Variants in ACAD11 observed in about 807,000 individuals in gnomAD.
ACAD11 encodes the protein acyl-CoA dehydrogenase family member 11.
A neutral mutation model predicts 102.2 loss-of-function variants in ACAD11; 83 were observed. That is an observed-to-expected ratio of 0.81 (90% CI 0.68 to 0.97). The LOEUF (loss-of-function observed/expected upper bound fraction) is 0.97, where lower values mean the gene tolerates loss of function less well. ACAD11 is among the 50% of genes least tolerant of loss of function. ACAD11 has a pLI of 0.00. For synonymous variants in ACAD11, 324 were observed against 319.8 expected, an observed-to-expected ratio of 1.01 and a Z score of -0.14; for missense variants, 901 against 951.7, an observed-to-expected ratio of 0.95 and a Z score of 0.70.
chr3:132,568,426 C>T (rs1937273395), intron 17 of ACAD11, among the ~76,000 whole-genome samples: 1 of 152,046 alleles, frequency 6.6e-6, no homozygotes, highest in African/African-American at 2.4e-5. Context: ...AGAGATATAC[C>T]AGGTTCACAG....
At chr3:132,579,701 T>G in intron 13 of ACAD11, 143 bp from the exon 14 acceptor site, 1 of 636,614 alleles carries the variant, frequency 1.6e-6, no homozygotes, top group Non-Finnish European at 2.7e-6. Flanking sequence ...ATAATAATTC[T>G]TTTGTAACAC....
chr3:132,576,016 C>A, intron 16 of ACAD11, 90 bp from the exon 17 acceptor site: 1 of 1,462,646 alleles, frequency 6.8e-7, no homozygotes. Context: ...AAGAGATGAG[C>A]TGCCCTTAAT....
At chr3:132,628,287 C>G in intron 8 of ACAD11, 53 bp downstream of exon 8, 1 of 1,299,114 alleles carries the variant, frequency 7.7e-7, no homozygotes, top group Non-Finnish European at 1.1e-6. Context: ...ATAACCTTCA[C>G]ATACCCAATA....
intron 13 of ACAD11, among the ~76,000 whole-genome samples, 185 bp downstream of exon 13, chr3:132,603,044 C>A (rs780880604): frequency 1.3e-5 from 2 of 152,098 alleles, no homozygotes; most frequent in Non-Finnish European, 2.9e-5. Flanking sequence ...CTCAGGTGAT[C>A]CACCTGCCTC....
intron 13 of ACAD11, among the ~76,000 whole-genome samples, chr3:132,589,654 A>G (rs1057005692): frequency 1.6e-4 from 25 of 152,180 alleles, no homozygotes; most frequent in African/African-American, 6.0e-4. Context: ...TGAAAATCAG[A>G]TTAGGACATA....
chr3:132,619,062 C>A, intron 10 of ACAD11: 2 of 329,782 alleles, frequency 6.1e-6, no homozygotes, highest in Non-Finnish European at 1.1e-5. Flanking sequence ...ATTACAAAAT[C>A]TCCCACATTT....
At chr3:132,623,784 C>T (rs1180687044) in intron 9 of ACAD11, among the ~76,000 whole-genome samples, 5 of 152,274 alleles carry the variant, frequency 3.3e-5, no homozygotes, top group Non-Finnish European at 7.4e-5. Flanking sequence ...TTCTGTGCTG[C>T]AGTTTCTCTT....
At chr3:132,591,784 G>A (rs10804609) in intron 13 of ACAD11, among the ~76,000 whole-genome samples, 17,184 of 152,054 alleles carry the variant, frequency 0.11, 1,500 homozygotes, top group East Asian at 0.53. Flanking sequence ...CCAGCTACTC[G>A]GGATGTTGAG....
At chr3:132,579,775 T>C (rs1019804511) in intron 13 of ACAD11, among the ~76,000 whole-genome samples, 1 of 152,080 alleles carries the variant, frequency 6.6e-6, no homozygotes, top group African/African-American at 2.4e-5. Flanking sequence ...TGAAAGCTGC[T>C]ACACAAAAAT....
intron 8 of ACAD11, 114 bp from the exon 9 acceptor site, chr3:132,626,931 G>C: frequency 1.0e-6 from 1 of 964,602 alleles, no homozygotes; most frequent in Non-Finnish European, 1.5e-6. Context: ...TCCCCCAGAA[G>C]GAGTAGCTGT....
intron 5 of ACAD11, among the ~76,000 whole-genome samples, chr3:132,635,946 A>C (rs951222871): frequency 2.6e-5 from 4 of 152,124 alleles, no homozygotes; most frequent in African/African-American, 9.7e-5. Context: ...TTTCTCTTAC[A>C]TCATTCTATT....
intron 11 of ACAD11, among the ~76,000 whole-genome samples, chr3:132,609,717 T>C (rs894446721): frequency 6.6e-6 from 1 of 152,180 alleles, no homozygotes; most frequent in Non-Finnish European, 1.5e-5. Flanking sequence ...GAGGAGCTGG[T>C]ACCCTTCCTT....
chr3:132,597,962 C>A (rs1326009349), intron 13 of ACAD11, among the ~76,000 whole-genome samples: 2 of 151,864 alleles, frequency 1.3e-5, no homozygotes, highest in African/African-American at 4.8e-5. Flanking sequence ...AAGTTGGCAC[C>A]CGGTTTTTAC....
intron 9 of ACAD11, chr3:132,621,079 T>A (rs1203984755): frequency 6.6e-6 from 1 of 152,212 alleles, no homozygotes; most frequent in African/African-American, 2.4e-5. Context: ...ACAAGTCTAA[T>A]TGGAGTCCCA....
chr3:132,559,920 G>A lies in ACAD11; in HGVS notation c.2141C>T (p.Ala714Val), dbSNP rs199545368. ...AACGATTTTGCTGACAGCCCGTGGG[G>A]CAGCCACTTTGATCATTGCAATCTA... Reference protein sequence around the residue: ...KKEIAMIKVAAPRAVSKIVDW... With the variant: ...KKEIAMIKVAVPRAVSKIVDW... Residue 714 changes from alanine (A) to valine (V), a missense_variant, in exon 19 of 20, where the codon GCC becomes GTC. Physicochemically the swap from Ala to Val is moderately conservative, Grantham distance 64. Coordinates refer to ENST00000264990, the MANE Select transcript of ACAD11 (RefSeq NM_032169.5). 5 of 1,612,440 alleles carry A rather than the reference G, an allele frequency of 3.1e-6. No homozygotes were observed. The highest frequency in any genetic ancestry group is 2.5e-6 in the Non-Finnish European group (3 of 1,179,328).
intron 9 of ACAD11, among the ~76,000 whole-genome samples, chr3:132,623,243 C>T (rs1939673054): frequency 6.6e-6 from 1 of 151,996 alleles, no homozygotes; most frequent in Non-Finnish European, 1.5e-5. Flanking sequence ...TGAAGCGTCT[C>T]AGTGGTTAAA....
At chr3:132,571,221 C>CT (rs199572940) in intron 17 of ACAD11, among the ~76,000 whole-genome samples, 15 of 150,824 alleles carry the variant, frequency 9.9e-5, no homozygotes, top group East Asian at 3.9e-4. Flanking sequence ...CTCACTGTGG[C>CT]TTTTTTTTTA....
intron 13 of ACAD11, among the ~76,000 whole-genome samples, chr3:132,585,520 C>T (rs79958956): frequency 0.11 from 17,188 of 152,134 alleles, 1,496 homozygotes; most frequent in East Asian, 0.53. Context: ...AGCTTCTGCA[C>T]AGCAAAAGAA....
chr3:132,599,824 T>C (rs1276318288), intron 13 of ACAD11, among the ~76,000 whole-genome samples: 1 of 152,146 alleles, frequency 6.6e-6, no homozygotes, highest in Non-Finnish European at 1.5e-5. Context: ...TCTTGTTTTA[T>C]AAAAGGCAAC....
Sources: allele counts gnomAD v4.1 joint callset (sites outside exome capture counted in the v4.1 genomes callset), GRCh38; gene constraint gnomAD v4.1.1; transcripts MANE v1.5; gene names NCBI Gene and HGNC (gene_info 2026-07-23, HGNC 2026-07-21).